The following H1-10 variants were observed in gnomAD, a reference collection of about 807,000 sequenced individuals.
H1-10 encodes the protein H1.10 linker histone, also known as histone H1.10.
For missense variants in H1-10, 307 were observed against 297.9 expected, an observed-to-expected ratio of 1.03 and a Z score of -0.22; for synonymous variants, 191 against 140.9, an observed-to-expected ratio of 1.36 and a Z score of -2.52.
At position 129,315,838 on chromosome 3, in the gene H1-10, G is replaced by C; in HGVS notation, c.65C>G (p.Thr22Ser). Residue 22 changes from threonine (T) to serine (S), a missense_variant, in exon 1 of 1, where the codon ACC becomes AGC. By Grantham distance (58) the Thr-to-Ser change is moderately conservative. Transcript: ENST00000333762. ...CAACGCCGCCGAGCCGCCAGCCTTGGTCACCTTCTTGGCCATTCCCTCGGC... is the reference window on the plus strand; with the variant it reads ...CAACGCCGCCGAGCCGCCAGCCTTGCTCACCTTCTTGGCCATTCCCTCGGC... ...TTAEGMAKKV[T>S]KAGGSAALSP... 1 of 1,603,270 alleles carries C rather than the reference G, an allele frequency of 6.2e-7. No homozygotes were observed. The highest frequency in any genetic ancestry group is 8.5e-7 in the Non-Finnish European group (1 of 1,175,494).
rs753275312 is a variant in H1-10, at chr3:129,315,806, A to G, written c.97T>C (p.Ser33Pro). The change falls in exon 1 of 1, where the codon TCT becomes CCT. Residue 33 changes from serine (S) to proline (P), a missense_variant. Ser to Pro is a moderately conservative substitution (Grantham distance 74, BLOSUM62 -1). Transcript: ENST00000333762. ...KAGGSAALSP[S>P]KKRKNSKKKN... Reference sequence around the variant, plus strand: ...TTCTTGCTATTCTTCCTCTTCTTAGATGGGGACAACGCCGCCGAGCCGCCA... The same window carrying G: ...TTCTTGCTATTCTTCCTCTTCTTAGGTGGGGACAACGCCGCCGAGCCGCCA... 8 of 1,604,296 alleles carry G rather than the reference A, an allele frequency of 5.0e-6. No homozygotes were observed. Among genetic ancestry groups the G allele is most frequent in the Admixed American group, 3.4e-5 (2 of 58,820 alleles).
Position 129,315,480 on chromosome 3 carries a change from C to T in H1-10, c.423G>A (p.Ala141=). The change falls in exon 1 of 1, where the codon GCG becomes GCA. Residue 141 remains alanine (A), a synonymous_variant. Coordinates refer to ENST00000333762, the MANE Select transcript of H1-10 (RefSeq NM_006026.4). Reference sequence around the variant, plus strand: ...CCGGGGCTGCCTTCTTCGCTTTGTGCGCGGTGGGGGCCGGGGCGGTGGCGG... The same window carrying T: ...CCGGGGCTGCCTTCTTCGCTTTGTGTGCGGTGGGGGCCGGGGCGGTGGCGG... The part of the protein sequence containing the change: ...PAAATAPAPT[A]HKAKKAAPGA... The T allele has an allele frequency of 6.7e-7, 1 of 1,503,198 alleles. No individual in the cohort carries two copies. Among genetic ancestry groups the T allele is most frequent in the Non-Finnish European group, 8.8e-7 (1 of 1,132,480 alleles). The allele number at this position is 1,503,198 out of a possible 1,614,324, so 93.1% of individuals were successfully genotyped here.
Position 129,315,929 on chromosome 3 carries a change from G to A in H1-10, c.-27C>T, listed in dbSNP as rs2071300086. On this transcript the variant is annotated 5_prime_UTR_variant, in exon 1 of 1. Transcript: ENST00000333762. ...GTAGCAAGAGGATTGGTGGCGGGCG[G>A]CGCGCGGAAGCCGGGGGGCCGCGCC... is the stretch of plus-strand genomic sequence containing the variant. The A allele has an allele frequency of 2.0e-6, 3 of 1,528,566 alleles. No individual in the cohort carries two copies. In the South Asian group the frequency reaches 3.7e-5, roughly 19 times the overall value. 94.7% of individuals were successfully genotyped at this position (1,528,566 alleles called of 1,614,324 possible).
At position 129,315,714 on chromosome 3, in the gene H1-10, G is replaced by T; in HGVS notation, c.189C>A (p.Asn63Lys). ...VETIRRLGER[N>K]GSSLAKIYTE... Reference sequence around the variant, plus strand: ...TGTAGATCTTGGCCAGCGACGAGCCGTTGCGCTCGCCCAGCCTACGGATGG... The same window carrying T: ...TGTAGATCTTGGCCAGCGACGAGCCTTTGCGCTCGCCCAGCCTACGGATGG... The change falls in exon 1 of 1, where the codon AAC becomes AAA. Residue 63 changes from asparagine (N) to lysine (K), a missense_variant. Asn to Lys is a moderately conservative substitution (Grantham distance 94). Coordinates refer to ENST00000333762, the MANE Select transcript of H1-10 (RefSeq NM_006026.4). 1 of 1,535,966 alleles carries T rather than the reference G, an allele frequency of 6.5e-7. No homozygotes were observed. The highest frequency in any genetic ancestry group is 8.7e-7 in the Non-Finnish European group (1 of 1,144,726).
In H1-10 at chr3:129,314,958, G is replaced by A; in HGVS notation, c.*303C>T. Reference sequence around the variant, plus strand: ...GCCCGGCCAACCAGCGACCCCGCCCGGTGGGCAGGCGCGGCCTCGGCCATC... The same window carrying A: ...GCCCGGCCAACCAGCGACCCCGCCCAGTGGGCAGGCGCGGCCTCGGCCATC... On this transcript the variant is annotated 3_prime_UTR_variant, in exon 1 of 1. Transcript: ENST00000333762. The A allele has an allele frequency of 4.5e-6, 1 of 222,256 alleles. No homozygotes were observed. 13.8% of individuals were successfully genotyped at this position (222,256 alleles called of 1,614,324 possible). A position where few individuals can be genotyped will look rare whatever the true frequency, so the allele number is the denominator to read the frequency against.
In H1-10 at chr3:129,315,398, G is replaced by C. The variant is rs1415025705; in HGVS notation, c.505C>G (p.Gln169Glu). 1 of 1,534,856 alleles carries C rather than the reference G, an allele frequency of 6.5e-7. No homozygotes were observed. Among genetic ancestry groups the C allele is most frequent in the Admixed American group, 1.8e-5 (1 of 54,136 alleles). Residue 169 changes from glutamine (Q) to glutamate (E), a missense_variant, in exon 1 of 1, where the codon CAG becomes GAG. Transcript: ENST00000333762. Reference sequence around the variant, plus strand: ...CCAGCGCCCTTCTTGTGCGAGCGCTGCTCCGGCTTCTGGCCCCTGGCGGGC... The same window carrying C: ...CCAGCGCCCTTCTTGTGCGAGCGCTCCTCCGGCTTCTGGCCCCTGGCGGGC... Reference protein sequence around the residue: ...KKPARGQKPEQRSHKKGAGAK... With the variant: ...KKPARGQKPEERSHKKGAGAK...
rs1236147352 is a variant in H1-10 at position 129,315,235 on chromosome 3, C to G, written c.*26G>C. ...AAACAAAAACACCGAAAAGCCCACG[C>G]CGGCCGCTCTGACCGGCCGACACGC... On this transcript the variant is annotated 3_prime_UTR_variant, in exon 1 of 1. Coordinates refer to ENST00000333762, the MANE Select transcript of H1-10 (RefSeq NM_006026.4). The G allele has an allele frequency of 7.5e-7, 1 of 1,335,686 alleles. No homozygotes were observed. The highest frequency in any genetic ancestry group is 9.6e-7 in the Non-Finnish European group (1 of 1,046,620). 82.7% of individuals were successfully genotyped at this position (1,335,686 alleles called of 1,614,324 possible). A position where few individuals can be genotyped will look rare whatever the true frequency, so the allele number is the denominator to read the frequency against.
rs1285921866 is a variant in H1-10, at chr3:129,315,276, G to A, written c.627C>T (p.Pro209=). The A allele has an allele frequency of 2.8e-6, 4 of 1,439,286 alleles. No homozygotes were observed. The highest frequency in any genetic ancestry group is 3.6e-6 in the Non-Finnish European group (4 of 1,097,462). The allele number at this position is 1,439,286 out of a possible 1,614,324, so 89.2% of individuals were successfully genotyped here. A position where few individuals can be genotyped will look rare whatever the true frequency, so the allele number is the denominator to read the frequency against. Residue 209 remains proline (P), a synonymous_variant, in exon 1 of 1, where the codon CCC becomes CCT. Transcript: ENST00000333762. ...KAAKPSVPKV[P]KGRK is the part of the protein sequence containing the mutation. ...GCCGACACGCTCACTTGCGGCCCTT[G>A]GGCACTTTGGGGACGCTGGGCTTGG... is the stretch of plus-strand genomic sequence containing the variant.
At position 129,315,155 on chromosome 3, in the gene H1-10, C is replaced by G; in HGVS notation, c.*106G>C. On this transcript the variant is annotated 3_prime_UTR_variant, in exon 1 of 1. Coordinates refer to ENST00000333762, the MANE Select transcript of H1-10 (RefSeq NM_006026.4). The stretch of plus-strand genomic sequence containing the variant: ...GCCCCTCCCTGAGGCTCAGACCAGG[C>G]CTCGCGGCCCCGGCCGGCGTGAGCC... The G allele has an allele frequency of 2.0e-6, 2 of 1,022,818 alleles. No individual in the cohort carries two copies. Among genetic ancestry groups the G allele is most frequent in the Non-Finnish European group, 2.5e-6 (2 of 792,050 alleles). 63.4% of individuals were successfully genotyped at this position (1,022,818 alleles called of 1,614,324 possible).
chr3:129,315,665 A>C lies in H1-10; in HGVS notation c.238T>G (p.Phe80Val). The C allele has an allele frequency of 6.3e-7, 1 of 1,590,008 alleles. No homozygotes were observed. The highest frequency in any genetic ancestry group is 8.5e-7 in the Non-Finnish European group (1 of 1,169,922). Residue 80 changes from phenylalanine (F) to valine (V), a missense_variant, in exon 1 of 1, where the codon TTC (phenylalanine) becomes GTC (valine). Physicochemically the swap from Phe to Val is conservative, Grantham distance 50. Transcript: ENST00000333762. ...TAGGTGCGCCCATTCTGCTGGTCGAACCACGGAACCTTCTTGGCCTCGGTG... is the reference window on the plus strand; with the variant it reads ...TAGGTGCGCCCATTCTGCTGGTCGACCCACGGAACCTTCTTGGCCTCGGTG... ...IYTEAKKVPW[F>V]DQQNGRTYLK...
Position 129,315,237 on chromosome 3 carries a change from G to T in H1-10, c.*24C>A. 7.5e-7 allele frequency: 1 copy of T among 1,338,964 alleles called. No homozygotes were observed. Among genetic ancestry groups the T allele is most frequent in the South Asian group, 2.3e-5 (1 of 43,122 alleles). The allele number at this position is 1,338,964 out of a possible 1,614,324, so 82.9% of individuals were successfully genotyped here. A position where few individuals can be genotyped will look rare whatever the true frequency, so the allele number is the denominator to read the frequency against. On this transcript the variant is annotated 3_prime_UTR_variant, in exon 1 of 1. Transcript: ENST00000333762. Reference sequence around the variant, plus strand: ...ACAAAAACACCGAAAAGCCCACGCCGGCCGCTCTGACCGGCCGACACGCTC... The same window carrying T: ...ACAAAAACACCGAAAAGCCCACGCCTGCCGCTCTGACCGGCCGACACGCTC...
Position 129,315,987 on chromosome 3 carries a change from A to T in H1-10, c.-85T>A. 17 of 14,468 alleles carry T rather than the reference A, an allele frequency of 1.2e-3. No individual in the cohort carries two copies. Among genetic ancestry groups the T allele is most frequent in the Non-Finnish European group, 1.8e-3 (15 of 8,254 alleles). 0.9% of individuals were successfully genotyped at this position (14,468 alleles called of 1,614,324 possible). A position where few individuals can be genotyped will look rare whatever the true frequency, so the allele number is the denominator to read the frequency against. On this transcript the variant is annotated 5_prime_UTR_variant, in exon 1 of 1. Transcript: ENST00000333762. ...GGAAGGCGAGGGGCCGAGGGGGTGC[A>T]GGGGGGCTGGGGGCGCGCGGCGGCT...
rs1477786229 is a variant in H1-10, at chr3:129,316,072, G to C, written c.-170C>G. ...GGGCGGCAGGGCTGGGGTGGGGGCCGGGCCGGGCCGGAGCGAGGGTTGGGG... is the reference window on the plus strand; with the variant it reads ...GGGCGGCAGGGCTGGGGTGGGGGCCCGGCCGGGCCGGAGCGAGGGTTGGGG... On this transcript the variant is annotated 5_prime_UTR_variant, in exon 1 of 1. Transcript: ENST00000333762. 1 of 158,784 alleles carries C rather than the reference G, an allele frequency of 6.3e-6. No individual in the cohort carries two copies. Among genetic ancestry groups the C allele is most frequent in the African/African-American group, 2.5e-5 (1 of 40,712 alleles). 9.8% of individuals were successfully genotyped at this position (158,784 alleles called of 1,614,324 possible). A position where few individuals can be genotyped will look rare whatever the true frequency, so the allele number is the denominator to read the frequency against.
At position 129,314,918 on chromosome 3, in the gene H1-10, TC is replaced by T. The variant is rs2071286222; in HGVS notation, c.*342del. 1 of 191,138 alleles carries T rather than the reference TC, an allele frequency of 5.2e-6. No individual in the cohort carries two copies. Among genetic ancestry groups the T allele is most frequent in the Admixed American group, 6.1e-5 (1 of 16,402 alleles). 11.8% of individuals were successfully genotyped at this position (191,138 alleles called of 1,614,324 possible). A position where few individuals can be genotyped will look rare whatever the true frequency, so the allele number is the denominator to read the frequency against. Reference sequence around the variant, plus strand: ...TGGGAAAGGATGCGCGGCCTCCGCGTCCCCGCGCGCCTGGGCCCGGCCAACC... The same window carrying T: ...TGGGAAAGGATGCGCGGCCTCCGCGTCCCGCGCGCCTGGGCCCGGCCAACC... On this transcript the variant is annotated 3_prime_UTR_variant, in exon 1 of 1. Coordinates refer to ENST00000333762, the MANE Select transcript of H1-10 (RefSeq NM_006026.4).
rs144560294 is a variant in H1-10 at position 129,315,742 on chromosome 3, T to A, written c.161A>T (p.Glu54Val). The change falls in exon 1 of 1, where the codon GAG (glutamate) becomes GTG (valine). Residue 54 changes from glutamate to valine, a missense_variant. By Grantham distance (121) the Glu-to-Val change is moderately radical. Transcript: ENST00000333762. ...GCGCTCGCCCAGCCTACGGATGGTC[T>A]CCACCACCAGCTGGCTGTACTTGCC... The part of the protein sequence containing the change: ...QPGKYSQLVV[E>V]TIRRLGERNG... 2 of 1,596,894 alleles carry A rather than the reference T, an allele frequency of 1.3e-6. No homozygotes were observed. The highest frequency in any genetic ancestry group is 1.7e-6 in the Non-Finnish European group (2 of 1,172,602).
chr3:129,315,361 T>A lies in H1-10; in HGVS notation c.542A>T (p.Asp181Val). The change falls in exon 1 of 1, where the codon GAC becomes GTC. Residue 181 changes from aspartate to valine, a missense_variant. By Grantham distance (152) the Asp-to-Val change is radical. Coordinates refer to ENST00000333762, the MANE Select transcript of H1-10 (RefSeq NM_006026.4). The stretch of plus-strand genomic sequence containing the variant: ...CGTCTTCTTGGCCTTGCCGCCTTTG[T>A]CCTTCTTGGCGCCAGCGCCCTTCTT... Reference protein sequence around the residue: ...SHKKGAGAKKDKGGKAKKTAA... With the variant: ...SHKKGAGAKKVKGGKAKKTAA... 6.5e-7 allele frequency: 1 copy of A among 1,547,328 alleles called. No individual in the cohort carries two copies. Among genetic ancestry groups the A allele is most frequent in the Non-Finnish European group, 8.7e-7 (1 of 1,152,820 alleles).
chr3:129,314,934 C>T lies in H1-10; in HGVS notation c.*327G>A, dbSNP rs931900249. ...GCCTCCGCGTCCCCGCGCGCCTGGG[C>T]CCGGCCAACCAGCGACCCCGCCCGG... On this transcript the variant is annotated 3_prime_UTR_variant, in exon 1 of 1. Transcript: ENST00000333762. 4 of 202,818 alleles carry T rather than the reference C, an allele frequency of 2.0e-5. No individual in the cohort carries two copies. Among genetic ancestry groups the T allele is most frequent in the Admixed American group, 1.2e-4 (2 of 16,712 alleles). The allele number at this position is 202,818 out of a possible 1,614,324, so 12.6% of individuals were successfully genotyped here.
chr3:129,315,564 G>A lies in H1-10; in HGVS notation c.339C>T (p.Ser113=). The A allele has an allele frequency of 2.6e-6, 4 of 1,549,262 alleles. No homozygotes were observed. In the East Asian group the frequency reaches 7.3e-5, roughly 28 times the overall value. Residue 113 remains serine, a synonymous_variant, in exon 1 of 1, where the codon TCC becomes TCT. Transcript: ENST00000333762. ...LQVKGTGANG[S]FKLNRKKLEG... is the part of the protein sequence containing the mutation. ...CCAGCTTCTTGCGGTTGAGCTTGAAGGAACCGTTGGCGCCGGTGCCCTTCA... is the reference window on the plus strand; with the variant it reads ...CCAGCTTCTTGCGGTTGAGCTTGAAAGAACCGTTGGCGCCGGTGCCCTTCA...
rs2071296353 is a variant in H1-10 at position 129,315,681 on chromosome 3, G to A, written c.222C>T (p.Ala74=). The A allele has an allele frequency of 5.7e-6, 9 of 1,588,364 alleles. No homozygotes were observed. The East Asian group carries it at 2.1e-4, about 37-fold the overall frequency. ...GSSLAKIYTE[A]KKVPWFDQQN... The stretch of plus-strand genomic sequence containing the variant: ...GCTGGTCGAACCACGGAACCTTCTT[G>A]GCCTCGGTGTAGATCTTGGCCAGCG... Residue 74 remains alanine, a synonymous_variant, in exon 1 of 1, where the codon GCC becomes GCT. Transcript: ENST00000333762.
Sources: allele counts gnomAD v4.1 joint callset, GRCh38; gene constraint gnomAD v4.1.1; transcripts MANE v1.5; gene names NCBI Gene and HGNC (gene_info 2026-07-23, HGNC 2026-07-21).